Variants in ZNF560 observed in about 807,000 individuals in gnomAD.
ZNF560 encodes zinc finger protein 560.
In ZNF560, 54 loss-of-function variants were observed where a neutral mutation model predicts 81.8. The ratio of observed to expected loss-of-function variants is 0.66; its 90% CI spans 0.53 to 0.83. The LOEUF (loss-of-function observed/expected upper bound fraction) is 0.83. Among genes scored for constraint, ZNF560 ranks in the 40% least tolerant of loss-of-function variants. The pLI, the probability that ZNF560 is intolerant of heterozygous loss-of-function variation, is 0.00. For synonymous variants in ZNF560, 321 were observed against 317.9 expected (o/e 1.01, Z -0.10); for missense variants, 940 against 932.4 (o/e 1.01, Z -0.11).
upstream of ZNF560, among the ~76,000 whole-genome samples, chr19:9,502,157 A>G (rs2073638233): frequency 6.7e-6 from 1 of 148,532 alleles, no homozygotes; most frequent in Non-Finnish European, 1.5e-5. Context: ...TCATCTCAAA[A>G]AAGAAAAAAA....
At chr19:9,481,132 T>C (rs1489373823) in intron 2 of ZNF560, among the ~76,000 whole-genome samples, 1 of 146,174 alleles carries the variant, frequency 6.8e-6, no homozygotes, top group Non-Finnish European at 1.5e-5. Flanking sequence ...ATCTACACCA[T>C]GTGATCTTTG....
chr19:9,460,999 G>A, the ZNF560 span, among the ~76,000 whole-genome samples: 386 of 152,266 alleles, frequency 2.5e-3, 2 homozygotes, highest in African/African-American at 9.1e-3. Flanking sequence ...TACCGCAAGA[G>A]TTCCTATTAT....
At chr19:9,485,880 T>A (rs1026922505) in intron 2 of ZNF560, among the ~76,000 whole-genome samples, 1 of 152,120 alleles carries the variant, frequency 6.6e-6, no homozygotes, top group African/African-American at 2.4e-5. Flanking sequence ...CATGCTCAAG[T>A]ATCTTAGGGG....
intron 6 of ZNF560, among the ~76,000 whole-genome samples, chr19:9,470,945 C>CA (rs2073111651): frequency 6.6e-6 from 1 of 152,066 alleles, no homozygotes; most frequent in Non-Finnish European, 1.5e-5. Context: ...TTCATAAATA[C>CA]AAAAATACTG....
chr19:9,457,246 T>C, the ZNF560 span, among the ~76,000 whole-genome samples: 1 of 152,244 alleles, frequency 6.6e-6, no homozygotes, highest in African/African-American at 2.4e-5. Context: ...ATATAACCTA[T>C]TGGGGCATTA....
the ZNF560 span, among the ~76,000 whole-genome samples, chr19:9,460,428 C>G: frequency 6.6e-6 from 1 of 152,176 alleles, no homozygotes; most frequent in South Asian, 2.1e-4. Context: ...ACTCATTGGG[C>G]ATATTTACCT....
At chr19:9,495,900 A>C (rs1033490198) in intron 2 of ZNF560, among the ~76,000 whole-genome samples, 3 of 152,206 alleles carry the variant, frequency 2.0e-5, no homozygotes, top group African/African-American at 4.8e-5. Flanking sequence ...GAAAAAACAA[A>C]CAAAAAACAA....
intron 2 of ZNF560, among the ~76,000 whole-genome samples, chr19:9,493,735 C>G (rs1013034074): frequency 2.0e-5 from 3 of 152,158 alleles, no homozygotes; most frequent in East Asian, 3.8e-4. Flanking sequence ...TCACTTCTGT[C>G]TCTTTTCTAT....
At chr19:9,488,235 C>T (rs966025845) in intron 2 of ZNF560, among the ~76,000 whole-genome samples, 3 of 152,192 alleles carry the variant, frequency 2.0e-5, no homozygotes, top group Admixed American at 6.5e-5. Flanking sequence ...TGCCGCAACA[C>T]GTGAGCCTCA....
chr19:9,456,407 C>T, the ZNF560 span, among the ~76,000 whole-genome samples: 9 of 152,210 alleles, frequency 5.9e-5, no homozygotes, highest in African/African-American at 9.6e-5. Context: ...AAGGCAGAAC[C>T]GGGAGAGCGT....
chr19:9,482,650 TC>T (rs1235016937), intron 2 of ZNF560, among the ~76,000 whole-genome samples: 43 of 63,816 alleles, frequency 6.7e-4, no homozygotes, highest in Non-Finnish European at 1.1e-3. Context: ...CCCCTCCCCC[TC>T]CCCCTCCCTC....
At chr19:9,480,957 G>A (rs145753105) in intron 2 of ZNF560, among the ~76,000 whole-genome samples, 155 of 151,714 alleles carry the variant, frequency 1.0e-3, no homozygotes, top group African/African-American at 3.6e-3. Flanking sequence ...GGTGGTGCAC[G>A]CCTGTAGTCC....
intron 2 of ZNF560, among the ~76,000 whole-genome samples, chr19:9,481,988 G>A (rs9749557): frequency 0.014 from 2,189 of 152,192 alleles, 55 homozygotes; most frequent in African/African-American, 0.049. Flanking sequence ...TGTTTATTGC[G>A]GCACTATTCA....
downstream of ZNF560, among the ~76,000 whole-genome samples, chr19:9,462,917 G>A (rs2072956606): frequency 6.6e-6 from 1 of 152,134 alleles, no homozygotes; most frequent in Admixed American, 6.5e-5. Context: ...AGCCATTCAT[G>A]GGAAAGATTC....
At position 9,484,167 on chromosome 19, in the gene ZNF560, G is replaced by A. The variant is rs533978157; in HGVS notation, c.-56-8798C>T. ...ACACAAACACTGTGGAAGGCCCCAG[G>A]GTCCTCTGCCTAGGAAAACCAGAGA... On this transcript the variant is annotated intron_variant, in intron 2 of 9. Transcript: ENST00000301480. Among the ~76,000 whole-genome samples, 9 of 152,120 alleles carry A rather than the reference G, an allele frequency of 5.9e-5. No individual in the cohort carries two copies. In the South Asian group the frequency reaches 1.5e-3, roughly 25 times the overall value.
intron 2 of ZNF560, among the ~76,000 whole-genome samples, chr19:9,484,772 G>C (rs577144650): frequency 6.7e-6 from 1 of 150,018 alleles, no homozygotes; most frequent in Non-Finnish European, 1.5e-5. Flanking sequence ...GACAGAGCAA[G>C]ACTCCATCTC....
chr19:9,480,462 C>T (rs2073269291), intron 2 of ZNF560, among the ~76,000 whole-genome samples: 1 of 151,668 alleles, frequency 6.6e-6, no homozygotes. Context: ...CAAGTAAACA[C>T]CCTAACACTG....
At position 9,470,391 on chromosome 19, in the gene ZNF560, C is replaced by A; in HGVS notation, c.448+1G>T. On this transcript the variant is annotated splice_donor_variant, in intron 7 of 9. Coordinates refer to ENST00000301480, the MANE Select transcript of ZNF560 (RefSeq NM_152476.3). LOFTEE classifies it high-confidence loss of function. Reference sequence around the variant, plus strand: ...GCTACAAGGGATGATGCCAGACTTACCTACTGAGGACAGGTTCTTGTAGTT... The same window carrying A: ...GCTACAAGGGATGATGCCAGACTTAACTACTGAGGACAGGTTCTTGTAGTT... 6.2e-7 allele frequency: 1 copy of A among 1,608,500 alleles called. No homozygotes were observed.
At chr19:9,502,085 C>T (rs528258579), upstream of ZNF560, among the ~76,000 whole-genome samples, 3 of 151,370 alleles carry the variant, frequency 2.0e-5, no homozygotes, top group Admixed American at 6.6e-5. Flanking sequence ...ACTCGGGAGG[C>T]GCAGGTTGCA....
Sources: allele counts gnomAD v4.1 joint callset (sites outside exome capture counted in the v4.1 genomes callset), GRCh38; gene constraint gnomAD v4.1.1; transcripts MANE v1.5; gene names NCBI Gene and HGNC (gene_info 2026-07-23, HGNC 2026-07-21).